The following PSMA1 variants were observed in gnomAD, a reference collection of about 807,000 sequenced individuals.
PSMA1 encodes proteasome subunit alpha type-1.
PSMA1 carries 3 observed loss-of-function variants against 38.4 expected under a neutral mutation model. The ratio of observed to expected loss-of-function variants is 0.08; its 90% CI spans 0.04 to 0.20. PSMA1 has a LOEUF of 0.20. Among genes scored for constraint, PSMA1 ranks in the 10% least tolerant of loss-of-function variants. The pLI, the probability that PSMA1 is intolerant of heterozygous loss-of-function variation, is 1.00. For missense variants in PSMA1, 227 were observed against 325.3 expected (o/e 0.70, Z 2.32); for synonymous variants, 101 against 107.1 (o/e 0.94, Z 0.35).
At chr11:14,544,629 A>G (rs1475325308) in intron 2 of PSMA1, among the ~76,000 whole-genome samples, 1 of 152,226 alleles carries the variant, frequency 6.6e-6, no homozygotes, top group East Asian at 1.9e-4. Flanking sequence ...ACAATGAAAT[A>G]CCACTTTATA....
chr11:14,613,063 A>G (rs573954661), intron 1 of PSMA1, among the ~76,000 whole-genome samples: 1 of 152,246 alleles, frequency 6.6e-6, no homozygotes, highest in East Asian at 1.9e-4. Context: ...ACAACCACCA[A>G]AGCAGAACAT....
chr11:14,588,233 A>G (rs1852371873), intron 2 of PSMA1, among the ~76,000 whole-genome samples: 1 of 152,234 alleles, frequency 6.6e-6, no homozygotes, highest in African/African-American at 2.4e-5. Context: ...TTTTGAATGA[A>G]AAGAAAACTT....
intron 2 of PSMA1, among the ~76,000 whole-genome samples, chr11:14,561,824 C>A (rs971397533): frequency 2.8e-5 from 4 of 144,760 alleles, no homozygotes; most frequent in African/African-American, 1.1e-4. Flanking sequence ...CTAAACTAAA[C>A]TAAACTAAAC....
At chr11:14,551,525 A>T (rs1457876295) in intron 2 of PSMA1, among the ~76,000 whole-genome samples, 1 of 152,192 alleles carries the variant, frequency 6.6e-6, no homozygotes, top group Non-Finnish European at 1.5e-5. Context: ...GGGGGAAGAG[A>T]GTCCCAGCCA....
At chr11:14,618,098 G>A (rs1274997795) in intron 1 of PSMA1, among the ~76,000 whole-genome samples, 1 of 152,088 alleles carries the variant, frequency 6.6e-6, no homozygotes, top group Non-Finnish European at 1.5e-5. Flanking sequence ...CTAGCCTATG[G>A]CCTCCTTTTC....
chr11:14,586,755 T>C (rs571061660), intron 2 of PSMA1, among the ~76,000 whole-genome samples: 18 of 151,930 alleles, frequency 1.2e-4, no homozygotes, highest in Admixed American at 2.6e-4. Context: ...TCAATCTCTC[T>C]TTCTTTCTTT....
At chr11:14,574,330 C>A (rs1470394481) in intron 2 of PSMA1, among the ~76,000 whole-genome samples, 1 of 152,212 alleles carries the variant, frequency 6.6e-6, no homozygotes, top group Non-Finnish European at 1.5e-5. Flanking sequence ...TACATCCCAG[C>A]CACTCCAGCT....
At chr11:14,522,061 C>T (rs1190110513), upstream of PSMA1, among the ~76,000 whole-genome samples, 2 of 152,124 alleles carry the variant, frequency 1.3e-5, no homozygotes, top group Admixed American at 1.3e-4. Context: ...ACTACATAAA[C>T]ATTTTGAAAA....
At chr11:14,643,159 C>A (rs1483280780) in intron 1 of PSMA1, among the ~76,000 whole-genome samples, 1 of 151,484 alleles carries the variant, frequency 6.6e-6, no homozygotes, top group Non-Finnish European at 1.5e-5. Flanking sequence ...TCCCTAAGAG[C>A]CACTGCAAGG....
upstream of PSMA1, chr11:14,520,748 G>A: frequency 1.6e-5 from 3 of 184,774 alleles, no homozygotes; most frequent in South Asian, 3.5e-4. Flanking sequence ...TGAAAGGAAC[G>A]AGGCTGCAGG....
rs185157792 is a variant in PSMA1, at chr11:14,526,137, C to T, written c.22-7096G>A. ...CTCTCAAACCCCAACACCTACAAAA[C>T]GACAACTCCTTTCCTTCCAGGCATG... On this transcript the variant is annotated intron_variant, in intron 2 of 10. Coordinates refer to the PSMA1 transcript ENST00000418988. Among the ~76,000 whole-genome samples, 18 of 152,304 alleles carry T rather than the reference C, an allele frequency of 1.2e-4. No homozygotes were observed. The East Asian group carries it at 1.5e-3, about 13-fold the overall frequency.
chr11:14,597,050 T>C (rs991029966), intron 2 of PSMA1, among the ~76,000 whole-genome samples: 10 of 152,228 alleles, frequency 6.6e-5, no homozygotes, highest in Non-Finnish European at 1.3e-4. Context: ...AGTACGTTTA[T>C]TGATTTGCGT....
At chr11:14,603,275 T>C (rs1852606010) in intron 2 of PSMA1, among the ~76,000 whole-genome samples, 2 of 152,208 alleles carry the variant, frequency 1.3e-5, no homozygotes, top group Non-Finnish European at 2.9e-5. Context: ...CCTCTTCCAC[T>C]GTAAGCACTT....
intron 1 of PSMA1, among the ~76,000 whole-genome samples, chr11:14,624,679 A>C (rs1852890401): frequency 1.3e-5 from 2 of 152,202 alleles, no homozygotes; most frequent in South Asian, 4.1e-4. Flanking sequence ...TGGCAGGGGT[A>C]ATCAACCCTG....
At chr11:14,550,740 T>A (rs1048474301) in intron 2 of PSMA1, among the ~76,000 whole-genome samples, 6 of 151,934 alleles carry the variant, frequency 3.9e-5, no homozygotes, top group African/African-American at 1.5e-4. Context: ...TTCTTAATTT[T>A]TTTACGGGAA....
intron 1 of PSMA1, among the ~76,000 whole-genome samples, chr11:14,641,835 T>G (rs896989823): frequency 6.6e-6 from 1 of 152,338 alleles, no homozygotes; most frequent in Admixed American, 6.5e-5. Context: ...AAGGTGAGTC[T>G]TAAGGATGCC....
At chr11:14,601,040 T>C (rs1852574874) in intron 2 of PSMA1, among the ~76,000 whole-genome samples, 1 of 152,212 alleles carries the variant, frequency 6.6e-6, no homozygotes. Context: ...AAATCACTCA[T>C]TCCCAGTAAA....
intron 2 of PSMA1, among the ~76,000 whole-genome samples, chr11:14,536,826 A>G (rs1851714956): frequency 6.6e-6 from 1 of 152,090 alleles, no homozygotes; most frequent in Non-Finnish European, 1.5e-5. Context: ...TGTGTTAGCC[A>G]GGATGGTCTC....
intron 2 of PSMA1, among the ~76,000 whole-genome samples, chr11:14,557,601 G>A (rs552268335): frequency 5.1e-4 from 78 of 152,224 alleles, no homozygotes; most frequent in African/African-American, 1.9e-3. Flanking sequence ...ATTTCTAAAA[G>A]CTATTTCTAG....
Sources: allele counts gnomAD v4.1 joint callset (sites outside exome capture counted in the v4.1 genomes callset), GRCh38; gene constraint gnomAD v4.1.1; transcripts MANE v1.5; gene names NCBI Gene and HGNC (gene_info 2026-07-23, HGNC 2026-07-21).